Variants in THSD7B observed in about 807,000 individuals in gnomAD.
THSD7B encodes the protein thrombospondin type-1 domain-containing protein 7B.
A neutral mutation model predicts 213.6 loss-of-function variants in THSD7B; 138 were observed. The ratio of observed to expected loss-of-function variants is 0.65; its 90% CI spans 0.56 to 0.74. THSD7B has a LOEUF of 0.74. Among genes scored for constraint, THSD7B ranks in the 30% least tolerant of loss-of-function variants. THSD7B has a pLI of 0.00. For synonymous variants in THSD7B, 742 were observed against 687.0 expected, an observed-to-expected ratio of 1.08 and a Z score of -1.25; for missense variants, 1,931 against 1,991.5, an observed-to-expected ratio of 0.97 and a Z score of 0.58.
intron 1 of THSD7B, among the ~76,000 whole-genome samples, chr2:136,829,764 G>T (rs913103605): frequency 2.6e-5 from 4 of 152,056 alleles, no homozygotes; most frequent in Middle Eastern, 3.2e-3. Context: ...GGAAGAGCAG[G>T]CATGGGTTAT....
At chr2:136,865,129 T>C (rs560235418) in intron 1 of THSD7B, among the ~76,000 whole-genome samples, 6 of 152,320 alleles carry the variant, frequency 3.9e-5, no homozygotes. Context: ...TGAATGCTGG[T>C]TGCTCATGGA....
intron 17 of THSD7B, among the ~76,000 whole-genome samples, chr2:137,584,239 T>C (rs1681657669): frequency 1.3e-5 from 2 of 152,246 alleles, no homozygotes; most frequent in South Asian, 4.1e-4. Context: ...AGATTTTGGG[T>C]TGAGATGATT....
chr2:137,101,225 A>G (rs1325163587), intron 4 of THSD7B, among the ~76,000 whole-genome samples: 1 of 151,946 alleles, frequency 6.6e-6, no homozygotes, highest in Non-Finnish European at 1.5e-5. Context: ...TTTAGTAGGG[A>G]CGAGGTTTCA....
intron 14 of THSD7B, among the ~76,000 whole-genome samples, chr2:137,414,524 G>A (rs1424841064): frequency 6.6e-6 from 1 of 151,778 alleles, no homozygotes; most frequent in East Asian, 1.9e-4. Flanking sequence ...TTTGAGACAA[G>A]CCTGGTCAAC....
intron 17 of THSD7B, among the ~76,000 whole-genome samples, chr2:137,590,713 C>T (rs774565201): frequency 1.0e-4 from 15 of 148,100 alleles, no homozygotes; most frequent in Non-Finnish European, 1.6e-4. Context: ...CCTTTTTATA[C>T]GTTAATTTTG....
chr2:136,877,729 G>A (rs1683547406), intron 1 of THSD7B, among the ~76,000 whole-genome samples: 1 of 152,046 alleles, frequency 6.6e-6, no homozygotes, highest in South Asian at 2.1e-4. Flanking sequence ...ATTTGATGAA[G>A]TAATGTGTTC....
At chr2:137,631,752 T>C (rs1682745235) in intron 20 of THSD7B, among the ~76,000 whole-genome samples, 1 of 152,078 alleles carries the variant, frequency 6.6e-6, no homozygotes, top group African/African-American at 2.4e-5. Context: ...AGAAGCTAGG[T>C]AGTGGAATGG....
intron 14 of THSD7B, among the ~76,000 whole-genome samples, chr2:137,432,091 A>T (rs1687196866): frequency 6.6e-6 from 1 of 152,178 alleles, no homozygotes; most frequent in Non-Finnish European, 1.5e-5. Context: ...TAATTAAAAA[A>T]AAATTAAAAA....
At chr2:137,383,356 G>A (rs1685821180) in intron 12 of THSD7B, among the ~76,000 whole-genome samples, 1 of 152,210 alleles carries the variant, frequency 6.6e-6, no homozygotes, top group South Asian at 2.1e-4. Context: ...TGGCCTCTGA[G>A]TCCAGGGTTC....
intron 3 of THSD7B, among the ~76,000 whole-genome samples, chr2:137,061,393 A>G (rs1687267421): frequency 6.7e-6 from 1 of 149,732 alleles, no homozygotes; most frequent in Admixed American, 6.7e-5. Context: ...GACTTCCAGT[A>G]CAATGTTATA....
chr2:136,854,288 T>A (rs1683146675), intron 1 of THSD7B, among the ~76,000 whole-genome samples: 1 of 152,064 alleles, frequency 6.6e-6, no homozygotes, highest in Non-Finnish European at 1.5e-5. Flanking sequence ...ATTTTTGTTC[T>A]ATGAATTTAT....
At chr2:136,853,023 TGTGTGTGTGTGTGC>T (rs1323264974) in intron 1 of THSD7B, among the ~76,000 whole-genome samples, 1 of 151,468 alleles carries the variant, frequency 6.6e-6, no homozygotes, top group Non-Finnish European at 1.5e-5. Context: ...CCACTTTGCA[TGTGTGTGTGTGTGC>T]ATGTGTGTGT....
intron 1 of THSD7B, among the ~76,000 whole-genome samples, chr2:136,872,899 T>C (rs1683459869): frequency 1.4e-5 from 2 of 147,980 alleles, no homozygotes; most frequent in African/African-American, 2.5e-5. Flanking sequence ...GTAGGGGGAA[T>C]TTTAAAGCTA....
chr2:137,333,903 A>T (rs534498453), intron 12 of THSD7B, among the ~76,000 whole-genome samples: 1 of 152,152 alleles, frequency 6.6e-6, no homozygotes, highest in African/African-American at 2.4e-5. Context: ...AAGCTCTCTC[A>T]CTTGATATGA....
intron 16 of THSD7B, among the ~76,000 whole-genome samples, chr2:137,570,292 C>G (rs1212733805): frequency 1.3e-5 from 2 of 150,848 alleles, no homozygotes; most frequent in East Asian, 3.9e-4. Flanking sequence ...TTTATCATTA[C>G]TATTATTATT....
intron 3 of THSD7B, 34 bp from the exon 4 acceptor site, chr2:137,094,839 A>G (rs1455524886): frequency 6.3e-7 from 1 of 1,599,120 alleles, no homozygotes; most frequent in Non-Finnish European, 8.5e-7. Context: ...CCATTAATAT[A>G]TGGCCTCCTA....
chr2:137,670,627 A>C (rs2104829690), intron 27 of THSD7B, among the ~76,000 whole-genome samples: 1 of 152,292 alleles, frequency 6.6e-6, no homozygotes, highest in African/African-American at 2.4e-5. Context: ...CATTATATAA[A>C]ATGCTCATCT....
chr2:137,617,864 C>T (rs1268954268), intron 18 of THSD7B, among the ~76,000 whole-genome samples: 1 of 152,102 alleles, frequency 6.6e-6, no homozygotes, highest in African/African-American at 2.4e-5. Context: ...CTCCCTTAGG[C>T]CTCCTTTATA....
At chr2:137,207,054 A>T (rs1413003683) in intron 7 of THSD7B, among the ~76,000 whole-genome samples, 4 of 152,016 alleles carry the variant, frequency 2.6e-5, no homozygotes, top group African/African-American at 9.7e-5. Context: ...TGATGTTAGG[A>T]AGAAAAGACA....
Sources: allele counts gnomAD v4.1 joint callset (sites outside exome capture counted in the v4.1 genomes callset), GRCh38; gene constraint gnomAD v4.1.1; transcripts MANE v1.5; gene names NCBI Gene and HGNC (gene_info 2026-07-23, HGNC 2026-07-21).